Variants in CFAP92 observed in about 807,000 individuals in gnomAD.
CFAP92 encodes the protein cilia and flagella associated protein 92 (putative), also known as uncharacterized protein CFAP92.
Under a neutral mutation model 106.3 loss-of-function variants are expected in CFAP92, and 86 were observed. That is an observed-to-expected ratio of 0.81 (90% CI 0.68 to 0.97). The LOEUF (loss-of-function observed/expected upper bound fraction) is 0.97, where lower values mean the gene tolerates loss of function less well. CFAP92 is among the 50% of genes least tolerant of loss of function. The pLI is 0.00. For synonymous variants in CFAP92, 477 were observed against 506.4 expected (o/e 0.94, Z 0.78); for missense variants, 1,204 against 1,283.8 (o/e 0.94, Z 0.95).
chr3:129,023,968 G>C, the CFAP92 span, among the ~76,000 whole-genome samples: 1 of 152,274 alleles, frequency 6.6e-6, no homozygotes, highest in Admixed American at 6.5e-5. Context: ...TAGGTGATAG[G>C]AGTAAACTGG....
intron 4 of CFAP92, among the ~76,000 whole-genome samples, chr3:128,985,865 A>G (rs1184197473): frequency 6.6e-6 from 1 of 152,208 alleles, no homozygotes; most frequent in Admixed American, 6.5e-5. Context: ...TTTGACCCCC[A>G]GGGAACATCT....
intron 12 of CFAP92, 104 bp from the exon 13 acceptor site, chr3:128,916,375 TATTG>T (rs1936819819): frequency 1.3e-6 from 1 of 767,538 alleles, no homozygotes; most frequent in Non-Finnish European, 1.8e-6. Context: ...GTGGTGCAGG[TATTG>T]ATTGATTCTT....
chr3:128,913,730 T>G (rs1344500376), intron 15 of CFAP92, among the ~76,000 whole-genome samples: 4 of 152,124 alleles, frequency 2.6e-5, no homozygotes, highest in African/African-American at 9.7e-5. Flanking sequence ...TGGTAACTAG[T>G]TTTTAAAATG....
At chr3:128,924,899 T>G (rs770260574) in intron 12 of CFAP92, among the ~76,000 whole-genome samples, 9 of 152,158 alleles carry the variant, frequency 5.9e-5, no homozygotes, top group Non-Finnish European at 1.3e-4. Flanking sequence ...ACCACCTGCT[T>G]CTTTGTTTGA....
intron 9 of CFAP92, among the ~76,000 whole-genome samples, chr3:128,956,225 A>T (rs199750362): frequency 2.4e-5 from 2 of 81,712 alleles, no homozygotes; most frequent in African/African-American, 1.2e-4. Context: ...TAAAAAAAAA[A>T]AAAGAAAATA....
intron 9 of CFAP92, among the ~76,000 whole-genome samples, chr3:128,964,498 C>T (rs976058799): frequency 4.4e-4 from 67 of 152,290 alleles, no homozygotes; most frequent in African/African-American, 1.5e-3. Context: ...TTCTCCAAGC[C>T]ATCACAGCTG....
chr3:128,966,243 G>C (rs1426146080), intron 8 of CFAP92, among the ~76,000 whole-genome samples: 1 of 152,200 alleles, frequency 6.6e-6, no homozygotes, highest in African/African-American at 2.4e-5. Context: ...CCCTCATGTG[G>C]CTATGGGCTC....
rs1474891734 is a variant in CFAP92 at position 128,945,688 on chromosome 3, C to G, written c.1641G>C (p.Glu547Asp). The stretch of plus-strand genomic sequence containing the variant: ...GGGACTCAAAGGGGTTGTTCTCTGT[C>G]TCTCTGGGAGAGATGAGGGCCTGGA... ...LNFQALISPR[E>D]TENNPFESQN... Residue 547 changes from glutamate (E) to aspartate (D), a missense_variant, in exon 10 of 16, where the codon GAG becomes GAC. Transcript: ENST00000645291. 6.5e-7 allele frequency: 1 copy of G among 1,536,124 alleles called. No homozygotes were observed. The highest frequency in any genetic ancestry group is 2.4e-5 in the East Asian group (1 of 40,912).
chr3:129,002,519 A>G, intron 1 of CFAP92: 1 of 1,114,744 alleles, frequency 9.0e-7, no homozygotes, highest in Non-Finnish European at 1.2e-6. Context: ...CCCCAACCCT[A>G]TTCTTACCAC....
chr3:128,920,312 G>C (rs2107684223), intron 12 of CFAP92, among the ~76,000 whole-genome samples: 1 of 152,306 alleles, frequency 6.6e-6, no homozygotes, highest in South Asian at 2.1e-4. Context: ...CTGAGGCAGG[G>C]AGAATTGCTT....
At chr3:129,003,114 G>A (rs1220948919), upstream of CFAP92, among the ~76,000 whole-genome samples, 1 of 152,220 alleles carries the variant, frequency 6.6e-6, no homozygotes, top group African/African-American at 2.4e-5. Flanking sequence ...ATATGACCCC[G>A]CCTTAGCTCA....
At chr3:128,953,631 G>T (rs1268097698) in intron 9 of CFAP92, among the ~76,000 whole-genome samples, 6 of 65,298 alleles carry the variant, frequency 9.2e-5, no homozygotes, top group Admixed American at 2.0e-4. Flanking sequence ...CTCCCTCTCC[G>T]TCTCCCTCTC....
rs923391278 is a variant in CFAP92 at position 129,002,066 on chromosome 3, C to T, written n.117+508G>A. The T allele has an allele frequency of 8.5e-6, 13 of 1,537,744 alleles. No individual in the cohort carries two copies. In the East Asian group the frequency reaches 3.0e-4, roughly 36 times the overall value. ...CGGAGCTCACCTTCCGCCAGTTCCA[C>T]GCGCGCCTCTGTGGCTACTTCGGCA... On this transcript the variant is annotated intron_variant and non_coding_transcript_variant, in intron 1 of 4. Coordinates refer to the CFAP92 transcript ENST00000510149.
chr3:128,916,820 G>C (rs1240067007), intron 12 of CFAP92, among the ~76,000 whole-genome samples: 1 of 152,194 alleles, frequency 6.6e-6, no homozygotes, highest in Non-Finnish European at 1.5e-5. Context: ...CAGAAGGCTG[G>C]GGGGAAAGGT....
At chr3:128,956,277 A>G (rs181693942) in intron 9 of CFAP92, among the ~76,000 whole-genome samples, 1 of 150,732 alleles carries the variant, frequency 6.6e-6, no homozygotes, top group Non-Finnish European at 1.5e-5. Flanking sequence ...AACACAGGGG[A>G]AAAAAGACAC....
At chr3:129,003,285 C>T, upstream of CFAP92, 1 of 985,314 alleles carries the variant, frequency 1.0e-6, no homozygotes, top group Non-Finnish European at 1.2e-6. Context: ...ATCTCTCATG[C>T]TTGGTATTTA....
At chr3:129,021,985 G>A in the CFAP92 span, among the ~76,000 whole-genome samples, 1 of 152,184 alleles carries the variant, frequency 6.6e-6, no homozygotes, top group African/African-American at 2.4e-5. Flanking sequence ...GTGTGTTAGG[G>A]TTGGGGTCCT....
chr3:128,972,724 G>A (rs892616199), intron 7 of CFAP92, among the ~76,000 whole-genome samples: 16 of 151,828 alleles, frequency 1.1e-4, no homozygotes, highest in Admixed American at 5.3e-4. Flanking sequence ...GTGTGGTGGC[G>A]GGCATCTGTA....
intron 3 of CFAP92, 37 bp from the exon 4 acceptor site, chr3:128,987,866 A>G (rs1943956687): frequency 1.3e-6 from 2 of 1,536,150 alleles, no homozygotes; most frequent in Non-Finnish European, 1.8e-6. Flanking sequence ...CAACTGGGGA[A>G]AGATGTGCAA....
Sources: gnomAD v4.1 joint callset for allele counts (sites outside exome capture counted in the v4.1 genomes callset) on GRCh38, gnomAD v4.1.1 for gene constraint, MANE v1.5 for transcripts, NCBI Gene and HGNC (gene_info 2026-07-23, HGNC 2026-07-21) for gene names.